SPATA16: variants seen among roughly 807,000 people sequenced by gnomAD.
SPATA16 encodes spermatogenesis associated 16, also known as spermatogenesis-associated protein 16.
A neutral mutation model predicts 63.3 loss-of-function variants in SPATA16; 36 were observed. The ratio of observed to expected loss-of-function variants is 0.57; its 90% CI spans 0.44 to 0.75. SPATA16 has a LOEUF of 0.75. Among genes scored for constraint, SPATA16 ranks in the 30% least tolerant of loss-of-function variants. The pLI is 0.00. For missense variants in SPATA16, 646 were observed against 679.3 expected (o/e 0.95, Z 0.54); for synonymous variants, 203 against 216.7 (o/e 0.94, Z 0.56).
At chr3:172,895,265 C>G (rs1479809789) in intron 10 of SPATA16, among the ~76,000 whole-genome samples, 3 of 152,214 alleles carry the variant, frequency 2.0e-5, no homozygotes, top group Admixed American at 6.5e-5. Flanking sequence ...TTATAACCAT[C>G]TGTTTTCCTC....
chr3:173,051,888 T>A (rs1736105988), intron 2 of SPATA16, among the ~76,000 whole-genome samples: 1 of 151,584 alleles, frequency 6.6e-6, no homozygotes, highest in Non-Finnish European at 1.5e-5. Context: ...CTCGACTCAC[T>A]GCAGCCTCCA....
intron 2 of SPATA16, among the ~76,000 whole-genome samples, chr3:173,075,646 TA>T (rs1459138382): frequency 6.6e-6 from 1 of 152,134 alleles, no homozygotes; most frequent in Non-Finnish European, 1.5e-5. Context: ...GGGAAGACAT[TA>T]TGTTAAGTGA....
rs750775246 is a variant in SPATA16 at position 172,889,705 on chromosome 3, A to C, written c.1588-13T>G. 3.1e-6 allele frequency: 5 copies of C among 1,611,908 alleles called. No homozygotes were observed. In the Admixed American group the frequency reaches 8.3e-5, roughly 27 times the overall value. Reference sequence around the variant, plus strand: ...CAATTTGTCCAACCTAGAAGAAATAAACAGATGCAACAAGATTTGTTGTTG... The same window carrying C: ...CAATTTGTCCAACCTAGAAGAAATACACAGATGCAACAAGATTTGTTGTTG... On this transcript the variant is annotated splice_polypyrimidine_tract_variant and intron_variant, in intron 10 of 10. Transcript: ENST00000351008.
intron 1 of SPATA16, among the ~76,000 whole-genome samples, chr3:173,118,197 C>T (rs562885638): frequency 1.3e-5 from 2 of 152,274 alleles, no homozygotes; most frequent in Non-Finnish European, 2.9e-5. Context: ...TAAAGAAACC[C>T]CAGCTGCTTC....
chr3:173,020,238 A>G (rs1453959965), intron 3 of SPATA16, among the ~76,000 whole-genome samples: 1 of 151,678 alleles, frequency 6.6e-6, no homozygotes, highest in Non-Finnish European at 1.5e-5. Flanking sequence ...CAGAGGTTGC[A>G]GTGAGATCGC....
chr3:173,073,145 T>C (rs1447037676), intron 2 of SPATA16, among the ~76,000 whole-genome samples: 1 of 152,180 alleles, frequency 6.6e-6, no homozygotes, highest in Non-Finnish European at 1.5e-5. Context: ...CAGCAAAGCA[T>C]TCAAGAGGTG....
chr3:172,914,610 T>C (rs980599831), intron 9 of SPATA16, among the ~76,000 whole-genome samples: 6 of 152,162 alleles, frequency 3.9e-5, no homozygotes, highest in Non-Finnish European at 7.4e-5. Flanking sequence ...GGATTAATTC[T>C]CTAGGTTAAC....
At chr3:173,065,721 G>A (rs1113587) in intron 2 of SPATA16, among the ~76,000 whole-genome samples, 63,875 of 151,990 alleles carry the variant, frequency 0.42, 14,913 homozygotes, top group African/African-American at 0.64. Flanking sequence ...TGAGTGTGGG[G>A]CTTTGCATTG....
intron 6 of SPATA16, among the ~76,000 whole-genome samples, chr3:172,934,158 T>C (rs1732930519): frequency 6.6e-6 from 1 of 151,834 alleles, no homozygotes; most frequent in African/African-American, 2.4e-5. Context: ...AAATTCTACA[T>C]CTCACAGAAA....
intron 4 of SPATA16, 99 bp downstream of exon 4, chr3:173,019,387 A>G (rs1735265974): frequency 6.9e-6 from 7 of 1,015,564 alleles, no homozygotes; most frequent in South Asian, 1.3e-5. Context: ...ATCATATTCC[A>G]TGAGAGAAAT....
chr3:172,953,939 G>T (rs1336283652), intron 6 of SPATA16, among the ~76,000 whole-genome samples: 1 of 152,178 alleles, frequency 6.6e-6, no homozygotes, highest in African/African-American at 2.4e-5. Context: ...GAGCAAAGAA[G>T]AAAATAGATA....
intron 5 of SPATA16, among the ~76,000 whole-genome samples, chr3:172,968,388 CA>C (rs2108244910): frequency 6.6e-6 from 1 of 152,170 alleles, no homozygotes; most frequent in South Asian, 2.1e-4. Flanking sequence ...CACACTGAGG[CA>C]AAGCAATTGA....
intron 3 of SPATA16, among the ~76,000 whole-genome samples, chr3:173,028,975 A>G (rs919459247): frequency 6.6e-6 from 1 of 152,032 alleles, no homozygotes; most frequent in Non-Finnish European, 1.5e-5. Flanking sequence ...TTCAAATACA[A>G]TGCCCTTCCA....
intron 1 of SPATA16, among the ~76,000 whole-genome samples, chr3:173,121,177 C>T (rs112993928): frequency 0.018 from 2,644 of 149,392 alleles, 27 homozygotes; most frequent in Non-Finnish European, 0.024. Flanking sequence ...GGTTGAAAAT[C>T]GGATGACTTT....
chr3:173,089,162 G>A (rs888891469), intron 2 of SPATA16, among the ~76,000 whole-genome samples: 3 of 152,166 alleles, frequency 2.0e-5, no homozygotes, highest in Non-Finnish European at 4.4e-5. Context: ...GATCAAAGAG[G>A]GAAAATATGG....
chr3:173,043,670 C>G (rs1735897501), intron 3 of SPATA16, among the ~76,000 whole-genome samples: 1 of 151,726 alleles, frequency 6.6e-6, no homozygotes, highest in Non-Finnish European at 1.5e-5. Context: ...CATTTATCAC[C>G]TCTGGTACTC....
At chr3:172,995,161 A>T (rs1054010551) in intron 4 of SPATA16, among the ~76,000 whole-genome samples, 4 of 152,108 alleles carry the variant, frequency 2.6e-5, no homozygotes, top group African/African-American at 7.2e-5. Context: ...ACCTTTGGAA[A>T]TACTGTTTTT....
chr3:173,049,813 C>G (rs1736041797), intron 2 of SPATA16, among the ~76,000 whole-genome samples: 1 of 151,962 alleles, frequency 6.6e-6, no homozygotes, highest in Admixed American at 6.6e-5. Context: ...TTTTGGAGAA[C>G]CCCAAACATT....
intron 4 of SPATA16, among the ~76,000 whole-genome samples, chr3:173,009,856 G>C (rs1361603478): frequency 6.6e-6 from 1 of 152,254 alleles, no homozygotes; most frequent in African/African-American, 2.4e-5. Flanking sequence ...GAGCCGGCTG[G>C]AGCAAGCGGC....
Sources: gnomAD v4.1 joint callset for allele counts (sites outside exome capture counted in the v4.1 genomes callset) on GRCh38, gnomAD v4.1.1 for gene constraint, MANE v1.5 for transcripts, NCBI Gene and HGNC (gene_info 2026-07-23, HGNC 2026-07-21) for gene names.